The following TNRC6C variants were observed in gnomAD, a reference collection of about 807,000 sequenced individuals.
TNRC6C encodes trinucleotide repeat-containing gene 6C protein.
In TNRC6C, 20 loss-of-function variants were observed where a neutral mutation model predicts 153.7. That is an observed-to-expected ratio of 0.13 (90% confidence interval 0.09 to 0.19). The LOEUF (loss-of-function observed/expected upper bound fraction) is 0.19, where lower values mean the gene tolerates loss of function less well. Among genes scored for constraint, TNRC6C ranks in the 10% least tolerant of loss-of-function variants. The pLI is 1.00. For synonymous variants in TNRC6C, 811 were observed against 841.4 expected (o/e 0.96, Z 0.63); for missense variants, 1,987 against 2,172.0 (o/e 0.91, Z 1.69).
At chr17:78,054,667 C>CTGTAT (rs2072611447) in intron 3 of TNRC6C, among the ~76,000 whole-genome samples, 1 of 151,412 alleles carries the variant, frequency 6.6e-6, no homozygotes, top group Non-Finnish European at 1.5e-5. Flanking sequence ...GACTACTGTA[C>CTGTAT]GCTACTGGAG....
chr17:77,983,462 A>G (rs1413831501), intron 1 of TNRC6C, among the ~76,000 whole-genome samples: 1 of 152,224 alleles, frequency 6.6e-6, no homozygotes, highest in Admixed American at 6.5e-5. Flanking sequence ...AGGATTCTCT[A>G]GAGTGTCTCT....
intron 1 of TNRC6C, among the ~76,000 whole-genome samples, chr17:77,965,641 C>G (rs964527322): frequency 1.3e-5 from 2 of 152,134 alleles, no homozygotes; most frequent in Non-Finnish European, 2.9e-5. Flanking sequence ...CCTCCTGGAG[C>G]TGTCTTACTA....
exon 19 of TNRC6C, chr17:78,103,422 T>A (rs1241623187): frequency 4.3e-6 from 7 of 1,614,000 alleles, no homozygotes; most frequent in Non-Finnish European, 5.9e-6. Flanking sequence ...AGATTGATGG[T>A]TCTACACTGC....
At chr17:77,974,534 C>A (rs1172317628) in intron 1 of TNRC6C, among the ~76,000 whole-genome samples, 1 of 152,082 alleles carries the variant, frequency 6.6e-6, no homozygotes, top group Non-Finnish European at 1.5e-5. Flanking sequence ...GCTGTGTTGC[C>A]CAGGCTGCCC....
At chr17:78,046,636 A>AG (rs2072417083) in intron 2 of TNRC6C, among the ~76,000 whole-genome samples, 1 of 152,134 alleles carries the variant, frequency 6.6e-6, no homozygotes, top group African/African-American at 2.4e-5. Flanking sequence ...TACGTATTTC[A>AG]TGTCTTCTAC....
At chr17:78,071,259 G>T (rs2072990892) in intron 6 of TNRC6C, 94 bp downstream of exon 8, 16 of 1,245,080 alleles carry the variant, frequency 1.3e-5, no homozygotes, top group Non-Finnish European at 1.8e-5. Flanking sequence ...TGTGTCAGAA[G>T]ACACCAAGAT....
chr17:78,035,717 A>T (rs2072165556), intron 2 of TNRC6C, among the ~76,000 whole-genome samples: 1 of 152,190 alleles, frequency 6.6e-6, no homozygotes, highest in African/African-American at 2.4e-5. Context: ...TGATTTGTGT[A>T]TATTTTGAAG....
chr17:78,102,373 G>T, intron 17 of TNRC6C, 101 bp from the exon 21 acceptor site: 1 of 1,095,012 alleles, frequency 9.1e-7, no homozygotes, highest in Admixed American at 2.3e-5. Context: ...ACGCAGTGAC[G>T]GCCTGTGCTG....
At position 78,068,898 on chromosome 17, in the gene TNRC6C, G is replaced by T. The variant is rs138218670; in HGVS notation, c.2778+975G>T. On this transcript the variant is annotated intron_variant, in intron 5 of 19. Transcript: ENST00000301624. ...GAGACGTGTATCTCATTTTTTTCTA[G>T]ATGACTGCCCAATTCAGTCCACATT... is the stretch of plus-strand genomic sequence containing the variant. 1.7e-3 allele frequency among the ~76,000 whole-genome samples: 255 copies of T among 152,168 alleles called. 2 individuals are homozygous for T. Among genetic ancestry groups the T allele is most frequent in the African/African-American group, 5.8e-3 (242 of 41,518 alleles).
At chr17:77,969,655 G>A (rs999996582) in intron 1 of TNRC6C, among the ~76,000 whole-genome samples, 1 of 151,736 alleles carries the variant, frequency 6.6e-6, no homozygotes, top group East Asian at 1.9e-4. Flanking sequence ...TATAAGAATC[G>A]TTATTTATAC....
At chr17:77,981,625 A>G (rs1227082237) in intron 1 of TNRC6C, among the ~76,000 whole-genome samples, 1 of 152,260 alleles carries the variant, frequency 6.6e-6, no homozygotes, top group Non-Finnish European at 1.5e-5. Context: ...AGAGATAGTA[A>G]TATCTAGGGT....
chr17:78,075,010 CT>C lies in TNRC6C; in HGVS notation c.2918-125del. The C allele has an allele frequency of 7.9e-7, 1 of 1,259,608 alleles. No individual in the cohort carries two copies. The highest frequency in any genetic ancestry group is 2.7e-4 in the Middle Eastern group (1 of 3,684). The allele number at this position is 1,259,608 out of a possible 1,614,324, so 78.0% of individuals were successfully genotyped here. Reference sequence around the variant, plus strand: ...AGCAAAGCAAGGGCTCTCTCTGCCCCTGGCTTCCCTGTGTTTGAAGGGGTGG... The same window carrying C: ...AGCAAAGCAAGGGCTCTCTCTGCCCCGGCTTCCCTGTGTTTGAAGGGGTGG... On this transcript the variant is annotated intron_variant, in intron 7 of 19. Transcript: ENST00000301624. The surrounding 1 kb of genome is among the most constrained non-coding windows in gnomAD (Gnocchi z 4.2).
intron 1 of TNRC6C, among the ~76,000 whole-genome samples, chr17:77,964,731 A>G (rs2070884555): frequency 6.6e-6 from 1 of 152,214 alleles, no homozygotes; most frequent in Non-Finnish European, 1.5e-5. Context: ...TGATGTGGAC[A>G]ACGGTTATTC....
At chr17:78,077,208 C>T in exon 9 of TNRC6C, 1 of 1,602,330 alleles carries the variant, frequency 6.2e-7, no homozygotes, top group Non-Finnish European at 8.5e-7. Context: ...TGGAAGAGCC[C>T]ACGCCTTCAC....
rs150459940 is a variant in TNRC6C at position 78,104,874 on chromosome 17, C to T, written c.*29C>T. 561 of 1,400,128 alleles carry T rather than the reference C, an allele frequency of 4.0e-4. 1 individual carries two copies. The highest frequency in any genetic ancestry group is 2.6e-3 in the Admixed American group (81 of 30,826). 86.7% of individuals were successfully genotyped at this position (1,400,128 alleles called of 1,614,324 possible). ...CTGCCATCATCAGCACCAGGAGAGC[C>T]GACCCCTCCCGGGACCCCTCCCGGC... On this transcript the variant is annotated 3_prime_UTR_variant, in exon 20 of 20. Transcript: ENST00000301624. The surrounding 1 kb of genome is among the most constrained non-coding windows in gnomAD (Gnocchi z 6.2).
intron 16 of TNRC6C, 52 bp downstream of exon 19, chr17:78,097,913 A>G (rs1474586892): frequency 7.1e-7 from 1 of 1,404,698 alleles, no homozygotes; most frequent in Non-Finnish European, 9.6e-7. Flanking sequence ...CTTTTCCCAA[A>G]CAAAACTTTG....
Position 78,075,052 on chromosome 17 carries a change from C to T in TNRC6C, c.2918-84C>T. 6.5e-7 allele frequency: 1 copy of T among 1,528,192 alleles called. No individual in the cohort carries two copies. The highest frequency in any genetic ancestry group is 2.4e-5 in the East Asian group (1 of 42,008). The allele number at this position is 1,528,192 out of a possible 1,614,324, so 94.7% of individuals were successfully genotyped here. On this transcript the variant is annotated intron_variant, in intron 7 of 19. Coordinates refer to ENST00000301624, the Ensembl canonical transcript of TNRC6C. This position sits in a 1 kb window ranked among gnomAD's most constrained non-coding sequence, Gnocchi z 4.2. Reference sequence around the variant, plus strand: ...GAAGGGGTGGAGGGTCTCCATCCCTCCTTGAGGCCTTAGCTGGTGCCTATC... The same window carrying T: ...GAAGGGGTGGAGGGTCTCCATCCCTTCTTGAGGCCTTAGCTGGTGCCTATC...
intron 3 of TNRC6C, among the ~76,000 whole-genome samples, chr17:78,056,693 C>T (rs1385295818): frequency 6.6e-6 from 1 of 151,646 alleles, no homozygotes; most frequent in Admixed American, 6.6e-5. Flanking sequence ...TCTCGGTCTC[C>T]TGACCTTGTG....
intron 1 of TNRC6C, among the ~76,000 whole-genome samples, chr17:78,028,659 C>CA (rs113891575): frequency 0.015 from 2,354 of 152,170 alleles, 56 homozygotes; most frequent in African/African-American, 0.054. Flanking sequence ...CTGGAGCTGA[C>CA]AATGTAAAGG....
Sources: allele counts gnomAD v4.1 joint callset (sites outside exome capture counted in the v4.1 genomes callset), GRCh38; gene constraint gnomAD v4.1.1; non-coding constraint Gnocchi (gnomAD v3.1); transcripts MANE v1.5; gene names NCBI Gene and HGNC (gene_info 2026-07-23, HGNC 2026-07-21).